CNTNAP4: variants seen among roughly 807,000 people sequenced by gnomAD.
The protein encoded by CNTNAP4 is contactin associated protein family member 4.
In CNTNAP4, 98 loss-of-function variants were observed where a neutral mutation model predicts 148.4. That is an observed-to-expected ratio of 0.66 (90% CI 0.56 to 0.78). CNTNAP4 has a LOEUF of 0.78. CNTNAP4 is among the 30% of genes least tolerant of loss of function. The pLI is 0.00. For missense variants in CNTNAP4, 1,935 were observed against 1,565.6 expected (o/e 1.24, Z -3.98); for synonymous variants, 730 against 565.1 (o/e 1.29, Z -4.14).
intron 3 of CNTNAP4, among the ~76,000 whole-genome samples, chr16:76,421,630 T>A (rs74026773): frequency 0.03 from 4,577 of 152,212 alleles, 231 homozygotes; most frequent in African/African-American, 0.11. Flanking sequence ...CATCATAAAA[T>A]TAAAAAGTGA....
At chr16:76,407,760 G>C (rs2078644500) in intron 3 of CNTNAP4, among the ~76,000 whole-genome samples, 1 of 152,090 alleles carries the variant, frequency 6.6e-6, no homozygotes, top group Non-Finnish European at 1.5e-5. Flanking sequence ...GACAACAAAG[G>C]ATTTAGAATA....
chr16:76,493,635 CTT>C (rs903207296), intron 13 of CNTNAP4, among the ~76,000 whole-genome samples: 4 of 151,978 alleles, frequency 2.6e-5, no homozygotes, highest in Non-Finnish European at 4.4e-5. Flanking sequence ...TCTATGAAAA[CTT>C]AATGTTTTAA....
intron 12 of CNTNAP4, among the ~76,000 whole-genome samples, chr16:76,485,046 A>G (rs2081977613): frequency 6.6e-6 from 1 of 152,230 alleles, no homozygotes; most frequent in African/African-American, 2.4e-5. Context: ...AGTTTTCCAA[A>G]CATAGTTTCA....
chr16:76,316,552 C>A, intron 2 of CNTNAP4, 29 bp downstream of exon 2: 2 of 1,422,812 alleles, frequency 1.4e-6, no homozygotes, highest in Non-Finnish European at 2.0e-6. Context: ...TCTGACTGGC[C>A]CATAGAAAAT....
At chr16:76,451,231 T>C (rs1451427536) in intron 7 of CNTNAP4, among the ~76,000 whole-genome samples, 1 of 152,236 alleles carries the variant, frequency 6.6e-6, no homozygotes, top group East Asian at 1.9e-4. Context: ...AATGTGTTGC[T>C]GGTGTTTTAA....
chr16:76,314,418 G>A (rs1367296735), intron 1 of CNTNAP4, among the ~76,000 whole-genome samples: 1 of 152,112 alleles, frequency 6.6e-6, no homozygotes, highest in African/African-American at 2.4e-5. Flanking sequence ...GGAATAATGC[G>A]GTCACCCTTG....
At chr16:76,360,227 A>G (rs1344067414) in intron 3 of CNTNAP4, among the ~76,000 whole-genome samples, 2 of 152,210 alleles carry the variant, frequency 1.3e-5, no homozygotes, top group Non-Finnish European at 2.9e-5. Flanking sequence ...ACCCTGTGGC[A>G]TGGTGTAGTC....
At chr16:76,526,709 T>C (rs1160664015) in intron 17 of CNTNAP4, among the ~76,000 whole-genome samples, 1 of 152,188 alleles carries the variant, frequency 6.6e-6, no homozygotes, top group Non-Finnish European at 1.5e-5. Context: ...AGTCTCACTA[T>C]GTCACTCAAA....
chr16:76,322,073 C>T (rs952386759), intron 2 of CNTNAP4, among the ~76,000 whole-genome samples: 9 of 152,106 alleles, frequency 5.9e-5, no homozygotes, highest in Non-Finnish European at 1.2e-4. Context: ...GAAAACAGAA[C>T]ATGCCAGCAA....
At chr16:76,543,781 A>G (rs2084567766) in intron 21 of CNTNAP4, among the ~76,000 whole-genome samples, 1 of 152,158 alleles carries the variant, frequency 6.6e-6, no homozygotes, top group African/African-American at 2.4e-5. Flanking sequence ...TGGCCTTGGT[A>G]CAAGCATGAG....
chr16:76,459,782 C>A (rs1424784427), intron 8 of CNTNAP4, among the ~76,000 whole-genome samples: 3 of 152,016 alleles, frequency 2.0e-5, no homozygotes, highest in Non-Finnish European at 4.4e-5. Flanking sequence ...GGATGTAAAC[C>A]TGACTGGTAA....
At chr16:76,373,463 T>C (rs557501610) in intron 3 of CNTNAP4, among the ~76,000 whole-genome samples, 1 of 152,322 alleles carries the variant, frequency 6.6e-6, no homozygotes, top group South Asian at 2.1e-4. Flanking sequence ...TTTTTCTTTT[T>C]ATTATTATCT....
intron 4 of CNTNAP4, among the ~76,000 whole-genome samples, chr16:76,441,747 C>T (rs1436176549): frequency 6.6e-6 from 1 of 152,118 alleles, no homozygotes; most frequent in Non-Finnish European, 1.5e-5. Flanking sequence ...ACCAAATGTA[C>T]TTATTAAACT....
Position 76,539,742 on chromosome 16 carries a change from T to A in CNTNAP4, c.3244T>A (p.Leu1082Ile). 2 of 1,600,050 alleles carry A rather than the reference T, an allele frequency of 1.2e-6. No individual in the cohort carries two copies. Among genetic ancestry groups the A allele is most frequent in the South Asian group, 1.1e-5 (1 of 88,164 alleles). ...AGGAAGTTTGCAGATCAGGTACAAG[T>A]TAAATAAATATCAAGAGCCTGATGT... is the stretch of plus-strand genomic sequence containing the variant. ...KNGSLQIRYKLNKYQEPDVVN... is the reference protein window; with the variant it reads ...KNGSLQIRYKINKYQEPDVVN... Residue 1082 changes from leucine (L) to isoleucine (I), a missense_variant, in exon 20 of 24, where the codon TTA becomes ATA. Transcript: ENST00000611870.
chr16:76,340,917 T>C (rs912459455), intron 2 of CNTNAP4, among the ~76,000 whole-genome samples: 9 of 152,352 alleles, frequency 5.9e-5, no homozygotes, highest in African/African-American at 2.2e-4. Context: ...CTCCACTGTT[T>C]AGTATATCCT....
intron 2 of CNTNAP4, among the ~76,000 whole-genome samples, chr16:76,345,409 A>G (rs1567789016): frequency 6.6e-6 from 1 of 152,246 alleles, no homozygotes; most frequent in Non-Finnish European, 1.5e-5. Context: ...TCAAAGAAAA[A>G]TTGCACTGAA....
intron 21 of CNTNAP4, among the ~76,000 whole-genome samples, chr16:76,549,739 G>C (rs552818312): frequency 1.2e-4 from 19 of 152,090 alleles, no homozygotes; most frequent in Non-Finnish European, 2.4e-4. Context: ...GCATCTGGAA[G>C]ATCAAGTGAA....
At chr16:76,303,344 C>A (rs1169133406) in intron 1 of CNTNAP4, among the ~76,000 whole-genome samples, 1 of 152,056 alleles carries the variant, frequency 6.6e-6, no homozygotes. Context: ...CTTTGAGATA[C>A]AAATAACAAC....
chr16:76,486,808 A>G (rs576390342), intron 12 of CNTNAP4, among the ~76,000 whole-genome samples: 4 of 152,144 alleles, frequency 2.6e-5, no homozygotes, highest in Admixed American at 1.3e-4. Flanking sequence ...CACCCTCTGT[A>G]AGCCCAAGCC....
Sources: allele counts gnomAD v4.1 joint callset (sites outside exome capture counted in the v4.1 genomes callset), GRCh38; gene constraint gnomAD v4.1.1; transcripts MANE v1.5; gene names NCBI Gene and HGNC (gene_info 2026-07-23, HGNC 2026-07-21).